Variants in CADM2 observed in about 807,000 individuals in gnomAD.
CADM2 encodes the protein cell adhesion molecule 2, also known as immunoglobulin superfamily member 4D.
Under a neutral mutation model 49.8 loss-of-function variants are expected in CADM2, and 12 were observed. The ratio of observed to expected loss-of-function variants is 0.24; its 90% CI spans 0.15 to 0.39. The LOEUF (loss-of-function observed/expected upper bound fraction) is 0.39, where lower values mean the gene tolerates loss of function less well. Among genes scored for constraint, CADM2 ranks in the 10% least tolerant of loss-of-function variants. The pLI is 1.00. For synonymous variants in CADM2, 214 were observed against 175.4 expected, an observed-to-expected ratio of 1.22 and a Z score of -1.74; for missense variants, 378 against 492.3, an observed-to-expected ratio of 0.77 and a Z score of 2.20.
chr3:85,674,592 A>C (rs994283500), intron 1 of CADM2, among the ~76,000 whole-genome samples: 1 of 152,202 alleles, frequency 6.6e-6, no homozygotes, highest in Admixed American at 6.5e-5. Context: ...TGAAATATTA[A>C]AATGAGATTA....
chr3:85,490,851 A>G (rs893304118), intron 1 of CADM2, among the ~76,000 whole-genome samples: 3 of 151,548 alleles, frequency 2.0e-5, no homozygotes, highest in South Asian at 2.1e-4. Flanking sequence ...CTGAGAGTAA[A>G]AAAAAAAAAG....
intron 2 of CADM2, among the ~76,000 whole-genome samples, chr3:85,730,531 C>T (rs1007207659): frequency 1.3e-5 from 2 of 152,070 alleles, no homozygotes. Context: ...TAACTTGTCT[C>T]CTGATTCAAT....
intron 2 of CADM2, among the ~76,000 whole-genome samples, chr3:85,761,447 G>A (rs1341980446): frequency 6.9e-6 from 1 of 145,584 alleles, no homozygotes; most frequent in East Asian, 2.0e-4. Flanking sequence ...CATGATCTCG[G>A]CTCGCTGCAA....
intron 1 of CADM2, among the ~76,000 whole-genome samples, chr3:85,143,960 T>A (rs989469007): frequency 6.6e-6 from 1 of 152,160 alleles, no homozygotes; most frequent in East Asian, 1.9e-4. Context: ...TCTTCAGTTA[T>A]ACTCCTACCA....
At chr3:85,303,975 A>T (rs1368719954) in intron 1 of CADM2, among the ~76,000 whole-genome samples, 1 of 151,898 alleles carries the variant, frequency 6.6e-6, no homozygotes, top group African/African-American at 2.4e-5. Flanking sequence ...GGAGGATTCA[A>T]TCCTAGCACC....
chr3:85,952,361 G>A (rs971175857), intron 7 of CADM2, among the ~76,000 whole-genome samples: 1 of 150,606 alleles, frequency 6.6e-6, no homozygotes, highest in African/African-American at 2.4e-5. Flanking sequence ...TCAATGATGT[G>A]CTCTTTTGTT....
At chr3:84,977,843 C>T (rs1575957476) in intron 1 of CADM2, among the ~76,000 whole-genome samples, 1 of 152,026 alleles carries the variant, frequency 6.6e-6, no homozygotes, top group South Asian at 2.1e-4. Context: ...ACGTTTAATT[C>T]CTAAGGTGTC....
At chr3:85,293,352 C>T (rs2043858384) in intron 1 of CADM2, among the ~76,000 whole-genome samples, 2 of 150,538 alleles carry the variant, frequency 1.3e-5, no homozygotes, top group South Asian at 2.1e-4. Context: ...CGAATTCTAC[C>T]AGAGGTACAA....
intron 3 of CADM2, among the ~76,000 whole-genome samples, chr3:85,855,390 C>T (rs529439932): frequency 6.6e-6 from 1 of 151,990 alleles, no homozygotes; most frequent in African/African-American, 2.4e-5. Context: ...CGCTGCTCTT[C>T]CCTTGTTAAT....
intron 1 of CADM2, among the ~76,000 whole-genome samples, chr3:85,335,232 CA>C (rs1390585935): frequency 6.6e-6 from 1 of 151,414 alleles, no homozygotes; most frequent in Admixed American, 6.6e-5. Context: ...CCAGAATAGA[CA>C]AAAATGAAAG....
Position 85,851,076 on chromosome 3 carries a change from C to G in CADM2, c.239-32215C>G, listed in dbSNP as rs1577473247. The stretch of plus-strand genomic sequence containing the variant: ...CAATGCAACCCTCAAAGTCTTTCCC[C>G]CACTATAAACTTTTGAGTCATTTTA... On this transcript the variant is annotated intron_variant, in intron 3 of 9. Coordinates refer to ENST00000383699, the MANE Select transcript of CADM2 (RefSeq NM_001167675.2). Among the ~76,000 whole-genome samples, 5 of 152,200 alleles carry G rather than the reference C, an allele frequency of 3.3e-5. No homozygotes were observed. The South Asian group carries it at 1.0e-3, about 32-fold the overall frequency.
chr3:85,084,070 A>T (rs2037279775), intron 1 of CADM2, among the ~76,000 whole-genome samples: 1 of 152,140 alleles, frequency 6.6e-6, no homozygotes, highest in Non-Finnish European at 1.5e-5. Flanking sequence ...TTTTGAAATA[A>T]GCTGCGTGAT....
chr3:85,778,217 T>C (rs2070454789), intron 2 of CADM2, among the ~76,000 whole-genome samples: 1 of 152,208 alleles, frequency 6.6e-6, no homozygotes, highest in African/African-American at 2.4e-5. Context: ...TATTTACAAA[T>C]GATGCCATTG....
At chr3:85,651,242 G>A (rs2065034220) in intron 1 of CADM2, among the ~76,000 whole-genome samples, 1 of 152,094 alleles carries the variant, frequency 6.6e-6, no homozygotes, top group Non-Finnish European at 1.5e-5. Flanking sequence ...TGAACTGGGT[G>A]TCAGCATTAA....
chr3:85,805,241 G>A (rs2072336338), intron 3 of CADM2, among the ~76,000 whole-genome samples: 1 of 152,160 alleles, frequency 6.6e-6, no homozygotes, highest in South Asian at 2.1e-4. Context: ...ACCGTGCCGG[G>A]CCAGGACTGA....
At chr3:85,310,382 T>C (rs998818433) in intron 1 of CADM2, among the ~76,000 whole-genome samples, 1 of 152,166 alleles carries the variant, frequency 6.6e-6, no homozygotes, top group African/African-American at 2.4e-5. Flanking sequence ...CCTTTGACTG[T>C]TGTTCGGTTT....
intron 2 of CADM2, among the ~76,000 whole-genome samples, chr3:85,776,334 CTT>C: frequency 7.8e-6 from 1 of 127,500 alleles, no homozygotes. Flanking sequence ...CACAAACTCT[CTT>C]ACACACACAC....
chr3:86,027,075 AAG>A (rs770947738), intron 8 of CADM2, among the ~76,000 whole-genome samples: 25 of 152,182 alleles, frequency 1.6e-4, no homozygotes, highest in African/African-American at 5.5e-4. Context: ...GCTCTGAAAA[AAG>A]AGAGAATGAA....
At chr3:85,620,478 C>A (rs922050181) in intron 1 of CADM2, among the ~76,000 whole-genome samples, 1 of 151,824 alleles carries the variant, frequency 6.6e-6, no homozygotes, top group African/African-American at 2.4e-5. Flanking sequence ...TTTTAAGCAA[C>A]CTCCATAATT....
Sources: gnomAD v4.1 joint callset for allele counts (sites outside exome capture counted in the v4.1 genomes callset) on GRCh38, gnomAD v4.1.1 for gene constraint, MANE v1.5 for transcripts, NCBI Gene and HGNC (gene_info 2026-07-23, HGNC 2026-07-21) for gene names.